Variants in PLLP observed in about 807,000 individuals in gnomAD.
PLLP encodes plasmolipin.
PLLP carries 15 observed loss-of-function variants against 19.7 expected under a neutral mutation model. The ratio of observed to expected loss-of-function variants is 0.76; its 90% CI spans 0.51 to 1.17. The LOEUF is 1.17. PLLP is among the 50% of genes most tolerant of loss of function. The pLI is 0.00. For missense variants in PLLP, 255 were observed against 258.3 expected (o/e 0.99, Z 0.09); for synonymous variants, 111 against 116.3 (o/e 0.95, Z 0.29).
intron 1 of PLLP, among the ~76,000 whole-genome samples, chr16:57,266,304 T>C (rs2075457067): frequency 2.0e-5 from 3 of 152,168 alleles, no homozygotes; most frequent in Admixed American, 2.0e-4. Context: ...TTTCTGGCGT[T>C]CTTTCTGGCT....
At chr16:57,268,122 G>A (rs2075463394) in intron 1 of PLLP, among the ~76,000 whole-genome samples, 1 of 152,144 alleles carries the variant, frequency 6.6e-6, no homozygotes. Flanking sequence ...CAGAAGCCAG[G>A]AGGGGGACAT....
chr16:57,267,295 G>A (rs1003648724), intron 1 of PLLP, among the ~76,000 whole-genome samples: 7 of 152,186 alleles, frequency 4.6e-5, no homozygotes, highest in African/African-American at 1.2e-4. Flanking sequence ...CTGGCCAGGC[G>A]CAGTGGCTCA....
Position 57,284,498 on chromosome 16 carries a change from G to C in PLLP, c.43C>G (p.Pro15Ala). The C allele has an allele frequency of 7.0e-7, 1 of 1,429,194 alleles. No individual in the cohort carries two copies. Among genetic ancestry groups the C allele is most frequent in the Non-Finnish European group, 9.2e-7 (1 of 1,082,788 alleles). 88.5% of individuals were successfully genotyped at this position (1,429,194 alleles called of 1,614,324 possible). A position where few individuals can be genotyped will look rare whatever the true frequency, so the allele number is the denominator to read the frequency against. The change falls in exon 1 of 4, where the codon CCT becomes GCT. Residue 15 changes from proline (P) to alanine (A), a missense_variant. Transcript: ENST00000219207. Reference sequence around the variant, plus strand: ...ACCGAGGCTTCGGCGCCCTGCGCAGGACTGCTGGTCCGCGTGCTAACTTTC... The same window carrying C: ...ACCGAGGCTTCGGCGCCCTGCGCAGCACTGCTGGTCCGCGTGCTAACTTTC... ...PSKVSTRTSS[P>A]AQGAEASVSA...
chr16:57,272,824 G>A (rs924858668), intron 1 of PLLP, among the ~76,000 whole-genome samples: 22 of 152,146 alleles, frequency 1.4e-4, no homozygotes, highest in Non-Finnish European at 2.9e-4. Context: ...CAGGCATGGG[G>A]TGCATGCCTG....
intron 3 of PLLP, among the ~76,000 whole-genome samples, chr16:57,257,563 G>C (rs1424341000): frequency 6.6e-6 from 1 of 152,214 alleles, no homozygotes; most frequent in African/African-American, 2.4e-5. Context: ...CTCTGAGCAG[G>C]AGCCTCCTGT....
chr16:57,274,578 G>A (rs1328541298), intron 1 of PLLP, among the ~76,000 whole-genome samples: 1 of 151,414 alleles, frequency 6.6e-6, no homozygotes, highest in Non-Finnish European at 1.5e-5. Flanking sequence ...TCAGCCTCCC[G>A]AGTAGTTGGG....
At chr16:57,271,227 C>G (rs1431546957) in intron 1 of PLLP, among the ~76,000 whole-genome samples, 1 of 152,076 alleles carries the variant, frequency 6.6e-6, no homozygotes, top group African/African-American at 2.4e-5. Context: ...GCCCCTGGAC[C>G]CCCAGCAAGG....
intron 1 of PLLP, among the ~76,000 whole-genome samples, chr16:57,284,083 G>A (rs1487618947): frequency 2.0e-5 from 3 of 152,160 alleles, no homozygotes; most frequent in Admixed American, 6.5e-5. Flanking sequence ...CTGTGGCTCC[G>A]GTGGGGGCTT....
At chr16:57,266,424 C>T (rs1257108618) in intron 1 of PLLP, among the ~76,000 whole-genome samples, 1 of 152,176 alleles carries the variant, frequency 6.6e-6, no homozygotes, top group Non-Finnish European at 1.5e-5. Context: ...GTTCCTGAGC[C>T]CCCAGCCCAG....
chr16:57,256,239 T>TAG lies in PLLP; in HGVS notation c.*672_*673dup. 2.5e-6 allele frequency: 1 copy of TAG among 392,676 alleles called. No individual in the cohort carries two copies. The highest frequency in any genetic ancestry group is 1.4e-4 in the South Asian group (1 of 6,974). 24.3% of individuals were successfully genotyped at this position (392,676 alleles called of 1,614,324 possible). A position where few individuals can be genotyped will look rare whatever the true frequency, so the allele number is the denominator to read the frequency against. On this transcript the variant is annotated 3_prime_UTR_variant, in exon 4 of 4. Coordinates refer to ENST00000219207, the MANE Select transcript of PLLP (RefSeq NM_015993.3). ...AGCAAGGTCGGGGAGGCACCGATGT[T>TAG]AGCTTCGCCCAAAGGGAGTATTACA...
chr16:57,283,426 C>G (rs144744526), intron 1 of PLLP, among the ~76,000 whole-genome samples: 1 of 152,176 alleles, frequency 6.6e-6, no homozygotes, highest in African/African-American at 2.4e-5. Context: ...CTCGCAGCAG[C>G]GCTAGCACCC....
At chr16:57,265,315 G>T (rs1172710492) in intron 1 of PLLP, among the ~76,000 whole-genome samples, 1 of 152,264 alleles carries the variant, frequency 6.6e-6, no homozygotes, top group African/African-American at 2.4e-5. Context: ...GAGCTGGGGG[G>T]AGGCCAGTGT....
In PLLP at chr16:57,280,186, G is replaced by A. The variant is rs151270051; in HGVS notation, c.135+4220C>T. Among the ~76,000 whole-genome samples, 418 of 152,262 alleles carry A rather than the reference G, an allele frequency of 2.7e-3. 1 individual carries two copies. Among genetic ancestry groups the A allele is most frequent in the African/African-American group, 9.5e-3 (394 of 41,556 alleles). ...CCACCCCCAAAGTAAACAAGATGAG[G>A]AAGCATAGCTAGAGCCAGGTTTTGG... On this transcript the variant is annotated intron_variant, in intron 1 of 3. Coordinates refer to ENST00000219207, the MANE Select transcript of PLLP (RefSeq NM_015993.3).
intron 1 of PLLP, among the ~76,000 whole-genome samples, chr16:57,268,198 G>A (rs2075463637): frequency 6.6e-6 from 1 of 152,212 alleles, no homozygotes; most frequent in South Asian, 2.1e-4. Context: ...TTCAGTAACT[G>A]AGACAATATA....
At chr16:57,267,043 T>TCGTC (rs1273083923) in intron 1 of PLLP, among the ~76,000 whole-genome samples, 2 of 152,110 alleles carry the variant, frequency 1.3e-5, no homozygotes, top group African/African-American at 2.4e-5. Context: ...GAGAGAAGAT[T>TCGTC]CGTCACAAAT....
chr16:57,274,641 T>G (rs896646165), intron 1 of PLLP, among the ~76,000 whole-genome samples: 1 of 150,606 alleles, frequency 6.6e-6, no homozygotes, highest in African/African-American at 2.4e-5. Flanking sequence ...TTAGTGGAGA[T>G]GAGGTCTCAC....
intron 3 of PLLP, among the ~76,000 whole-genome samples, chr16:57,257,546 C>A (rs1465158365): frequency 2.6e-5 from 4 of 152,234 alleles, no homozygotes; most frequent in African/African-American, 9.6e-5. Flanking sequence ...GGCCTGGCGT[C>A]CAACTTCTCT....
At chr16:57,270,287 G>A in intron 1 of PLLP, among the ~76,000 whole-genome samples, 1 of 85,268 alleles carries the variant, frequency 1.2e-5, no homozygotes, top group East Asian at 4.1e-4. Flanking sequence ...TCCATCTCCA[G>A]CCCCCGAGTC....
chr16:57,260,047 A>C (rs1438140325), intron 2 of PLLP, among the ~76,000 whole-genome samples: 3 of 151,964 alleles, frequency 2.0e-5, no homozygotes, highest in African/African-American at 7.3e-5. Context: ...CACTAGGAAC[A>C]GATGAAGTGA....
Sources: allele counts gnomAD v4.1 joint callset (sites outside exome capture counted in the v4.1 genomes callset), GRCh38; gene constraint gnomAD v4.1.1; transcripts MANE v1.5; gene names NCBI Gene and HGNC (gene_info 2026-07-23, HGNC 2026-07-21).